The following STAG2 variants were observed in gnomAD, a reference collection of about 807,000 sequenced individuals.
The protein encoded by STAG2 is STAG2 cohesin complex component.
In STAG2, 14 loss-of-function variants were observed where a neutral mutation model predicts 108.1. The ratio of observed to expected loss-of-function variants is 0.13; its 90% CI spans 0.09 to 0.20. STAG2 has a LOEUF of 0.20. STAG2 is among the 10% of genes least tolerant of loss of function. The probability of loss-of-function intolerance (pLI) is 1.00; values close to 1 mark genes in which losing one functional copy is unlikely to be tolerated. For synonymous variants in STAG2, 307 were observed against 302.7 expected, an observed-to-expected ratio of 1.01 and a Z score of -0.15; for missense variants, 440 against 940.9, an observed-to-expected ratio of 0.47 and a Z score of 6.96.
intron 15 of STAG2, among the ~76,000 whole-genome samples, chrX:124,058,747 C>A (rs918302788): frequency 8.9e-6 from 1 of 111,924 alleles, no homozygotes; most frequent in African/African-American, 3.2e-5. Context: ...TTAAACTAGT[C>A]TCCCTAAAGT....
At chrX:124,058,607 T>G (rs1421693928) in intron 15 of STAG2, among the ~76,000 whole-genome samples, 1 of 112,554 alleles carries the variant, frequency 8.9e-6, no homozygotes. Context: ...AGCCTCAGTT[T>G]CCTAGTAAAA....
At chrX:124,022,394 G>C in intron 2 of STAG2, 137 bp from the exon 3 acceptor site, 1 of 290,640 alleles carries the variant, frequency 3.4e-6, no homozygotes, top group Non-Finnish European at 6.0e-6. Flanking sequence ...AAAGAAAGCA[G>C]TCAAATGCAA....
chrX:124,061,124 G>C, intron 15 of STAG2, 100 bp from the exon 16 acceptor site: 1 of 551,277 alleles, frequency 1.8e-6, no homozygotes. Flanking sequence ...ATAGATTGCT[G>C]TTTGAGAGTT....
intron 13 of STAG2, among the ~76,000 whole-genome samples, chrX:124,055,212 T>A (rs1162527897): frequency 8.9e-6 from 1 of 112,807 alleles, no homozygotes; most frequent in East Asian, 2.8e-4. Flanking sequence ...AAGTAATACT[T>A]CTTAGACATC....
At chrX:123,975,030 G>A (rs1175702118) in intron 1 of STAG2, among the ~76,000 whole-genome samples, 2 of 111,441 alleles carry the variant, frequency 1.8e-5, no homozygotes, top group African/African-American at 3.3e-5. Flanking sequence ...CAAAAGCAAG[G>A]GTAATTTTTA....
At chrX:123,972,220 T>G (rs2054380910) in intron 1 of STAG2, among the ~76,000 whole-genome samples, 1 of 105,071 alleles carries the variant, frequency 9.5e-6, no homozygotes, top group Non-Finnish European at 2.0e-5. Flanking sequence ...GTAATTTGTG[T>G]TTTTTTTTTT....
intron 13 of STAG2, among the ~76,000 whole-genome samples, chrX:124,051,797 A>C (rs1032850918): frequency 1.8e-5 from 2 of 110,837 alleles, no homozygotes; most frequent in Non-Finnish European, 3.8e-5. Context: ...TCACTGTGTT[A>C]GCCAGGATGG....
At chrX:124,022,370 CAAAA>C (rs5903652) in intron 2 of STAG2, among the ~76,000 whole-genome samples, 157 bp from the exon 3 acceptor site, 4 of 78,601 alleles carry the variant, frequency 5.1e-5, no homozygotes, top group Non-Finnish European at 5.0e-5. Context: ...GACTGTGTCT[CAAAA>C]AAAAAAAAAA....
At chrX:124,086,288 G>T (rs1302432799) in intron 29 of STAG2, among the ~76,000 whole-genome samples, 6 of 111,285 alleles carry the variant, frequency 5.4e-5, no homozygotes, top group Admixed American at 1.9e-4. Context: ...AAACTTTTTT[G>T]CAGGTAGGTA....
At chrX:123,999,059 A>C (rs1191428627) in intron 1 of STAG2, among the ~76,000 whole-genome samples, 1 of 111,875 alleles carries the variant, frequency 8.9e-6, no homozygotes, top group Non-Finnish European at 1.9e-5. Context: ...TCGAGGTGAC[A>C]GTGCTCTCCA....
chrX:123,989,759 A>G (rs1341671564), intron 1 of STAG2, among the ~76,000 whole-genome samples: 2 of 108,950 alleles, frequency 1.8e-5, no homozygotes, highest in Non-Finnish European at 3.8e-5. Flanking sequence ...GCCCGCCACC[A>G]TGCCTGGGTA....
chrX:124,095,790 T>G (rs1227454015), intron 34 of STAG2, among the ~76,000 whole-genome samples: 1 of 110,668 alleles, frequency 9.0e-6, no homozygotes, highest in Non-Finnish European at 1.9e-5. Flanking sequence ...AAAGATTTCC[T>G]TGACATTTAT....
chrX:124,043,587 A>T (rs2057787440), intron 7 of STAG2, among the ~76,000 whole-genome samples: 1 of 111,968 alleles, frequency 8.9e-6, no homozygotes, highest in Non-Finnish European at 1.9e-5. Flanking sequence ...GGACTTAATA[A>T]ATGGTAGTTA....
At chrX:123,975,705 C>T (rs1391459775) in intron 1 of STAG2, among the ~76,000 whole-genome samples, 1 of 111,900 alleles carries the variant, frequency 8.9e-6, no homozygotes, top group African/African-American at 3.2e-5. Context: ...CTCAGGTGAT[C>T]CGCCCACCTT....
chrX:124,077,121 G>T (rs2148409631), intron 26 of STAG2, among the ~76,000 whole-genome samples: 1 of 111,244 alleles, frequency 9.0e-6, no homozygotes, highest in African/African-American at 3.3e-5. Context: ...TAAAGCCTTT[G>T]CTTTCAAGAA....
At chrX:124,023,745 A>G in intron 3 of STAG2, among the ~76,000 whole-genome samples, 1 of 111,944 alleles carries the variant, frequency 8.9e-6, no homozygotes, top group Non-Finnish European at 1.9e-5. Context: ...GTTAGAGACT[A>G]TAAAAAGGGT....
At chrX:124,030,431 G>A (rs1348986107) in intron 4 of STAG2, among the ~76,000 whole-genome samples, 1 of 111,840 alleles carries the variant, frequency 8.9e-6, no homozygotes, top group Admixed American at 9.5e-5. Context: ...TTGTGTCATT[G>A]TTTCTGTTGG....
chrX:123,975,218 A>G (rs1029414216), intron 1 of STAG2, among the ~76,000 whole-genome samples: 4 of 108,634 alleles, frequency 3.7e-5, no homozygotes, highest in Non-Finnish European at 7.8e-5. Flanking sequence ...TCCCTTCTAC[A>G]CTATTAAAAA....
chrX:123,988,212 G>A (rs1306572542), intron 1 of STAG2, among the ~76,000 whole-genome samples: 1 of 111,723 alleles, frequency 9.0e-6, no homozygotes, highest in Non-Finnish European at 1.9e-5. Context: ...ATAGTATATT[G>A]TATCTTATAC....
Sources: gnomAD v4.1 joint callset for allele counts (sites outside exome capture counted in the v4.1 genomes callset) on GRCh38, gnomAD v4.1.1 for gene constraint, MANE v1.5 for transcripts, NCBI Gene and HGNC (gene_info 2026-07-23, HGNC 2026-07-21) for gene names.